Variants in PPP1R12B observed in about 807,000 individuals in gnomAD.
PPP1R12B encodes myosin phosphatase target subunit 2.
In PPP1R12B, 76 loss-of-function variants were observed where a neutral mutation model predicts 126.1. The ratio of observed to expected loss-of-function variants is 0.60; its 90% CI spans 0.50 to 0.73. The LOEUF (loss-of-function observed/expected upper bound fraction) is 0.73. PPP1R12B is among the 30% of genes least tolerant of loss of function. The pLI, the probability that PPP1R12B is intolerant of heterozygous loss-of-function variation, is 0.00. For missense variants in PPP1R12B, 1,052 were observed against 1,205.1 expected, an observed-to-expected ratio of 0.87 and a Z score of 1.88; for synonymous variants, 356 against 434.7, an observed-to-expected ratio of 0.82 and a Z score of 2.25.
intron 1 of PPP1R12B, among the ~76,000 whole-genome samples, chr1:202,354,923 T>G (rs949153364): frequency 6.6e-6 from 1 of 151,888 alleles, no homozygotes; most frequent in African/African-American, 2.4e-5. Context: ...CCTCCCGGGT[T>G]CACGCCATTC....
chr1:202,446,550 C>T (rs1672320861), intron 12 of PPP1R12B, among the ~76,000 whole-genome samples: 2 of 148,208 alleles, frequency 1.3e-5, no homozygotes, highest in African/African-American at 4.9e-5. Context: ...AGAGCCACTG[C>T]ACCCGGCCGT....
intron 18 of PPP1R12B, among the ~76,000 whole-genome samples, chr1:202,536,887 C>T (rs1252848433): frequency 1.3e-5 from 2 of 152,168 alleles, no homozygotes; most frequent in Admixed American, 6.5e-5. Context: ...CACATCTTAT[C>T]CCATTGGAAG....
intron 18 of PPP1R12B, chr1:202,502,565 G>A (rs1680348047): frequency 1.4e-6 from 1 of 722,378 alleles, no homozygotes; most frequent in Non-Finnish European, 1.7e-6. Context: ...ATGCAACAAT[G>A]AACAAACAGC....
chr1:202,349,020 G>A lies in PPP1R12B; in HGVS notation c.169G>A (p.Glu57Lys). 2 of 1,611,540 alleles carry A rather than the reference G, an allele frequency of 1.2e-6. No homozygotes were observed. Among genetic ancestry groups the A allele is most frequent in the African/African-American group, 1.3e-5 (1 of 75,040 alleles). ...GCGCGGGAGCCCCAGGGTCCGCTTC[G>A]AGGACGGTGCTGTCTTTCTGGCCGC... ...TRRGSPRVRF[E>K]DGAVFLAACS... The change falls in exon 1 of 24, where the codon GAG becomes AAG. Residue 57 changes from glutamate (E) to lysine (K), a missense_variant. Transcript: ENST00000608999.
chr1:202,515,649 T>A (rs1682056982), intron 18 of PPP1R12B, among the ~76,000 whole-genome samples: 1 of 152,152 alleles, frequency 6.6e-6, no homozygotes, highest in African/African-American at 2.4e-5. Flanking sequence ...CTGCAGCCTC[T>A]ACCTCCTAGG....
At chr1:202,413,387 A>G (rs1285532488) in intron 1 of PPP1R12B, among the ~76,000 whole-genome samples, 2 of 152,176 alleles carry the variant, frequency 1.3e-5, no homozygotes, top group Admixed American at 1.3e-4. Flanking sequence ...GATATGTACT[A>G]CTTAAGTCCT....
At chr1:202,446,353 G>C (rs140866874) in intron 12 of PPP1R12B, among the ~76,000 whole-genome samples, 2,142 of 145,110 alleles carry the variant, frequency 0.015, 19 homozygotes, top group South Asian at 0.035. Context: ...TCCCGGGCTC[G>C]AGCAATTCTT....
chr1:202,533,110 C>A (rs1684143011), intron 18 of PPP1R12B, among the ~76,000 whole-genome samples: 1 of 152,066 alleles, frequency 6.6e-6, no homozygotes, highest in South Asian at 2.1e-4. Context: ...CTCAGGTGAT[C>A]TGCCCGCCTC....
chr1:202,459,966 C>T (rs1261463609), intron 13 of PPP1R12B, among the ~76,000 whole-genome samples: 1 of 152,182 alleles, frequency 6.6e-6, no homozygotes, highest in African/African-American at 2.4e-5. Flanking sequence ...TGGCAGATAG[C>T]TCTGCAGAAA....
chr1:202,483,484 GC>G (rs1235803389), intron 13 of PPP1R12B, among the ~76,000 whole-genome samples: 1 of 152,078 alleles, frequency 6.6e-6, no homozygotes, highest in Non-Finnish European at 1.5e-5. Flanking sequence ...GGAAGTCTGT[GC>G]CCAAAATCCC....
intron 18 of PPP1R12B, among the ~76,000 whole-genome samples, chr1:202,511,958 A>T (rs763368845): frequency 3.9e-5 from 6 of 152,066 alleles, no homozygotes; most frequent in Non-Finnish European, 7.4e-5. Flanking sequence ...CCAAGTTGAG[A>T]TGTCAAGTAG....
At chr1:202,420,567 C>CTTAA in intron 2 of PPP1R12B, among the ~76,000 whole-genome samples, 1 of 152,244 alleles carries the variant, frequency 6.6e-6, no homozygotes, top group Non-Finnish European at 1.5e-5. Context: ...TTGTTGAGTG[C>CTTAA]TTACTATGTG....
chr1:202,380,136 A>ACTGCTC, intron 1 of PPP1R12B, among the ~76,000 whole-genome samples: 1 of 140,508 alleles, frequency 7.1e-6, no homozygotes, highest in East Asian at 1.9e-4. Flanking sequence ...TCTTTGCTTA[A>ACTGCTC]CTGCTCCTGC....
chr1:202,351,944 A>G (rs989536344), intron 1 of PPP1R12B, among the ~76,000 whole-genome samples: 1 of 152,204 alleles, frequency 6.6e-6, no homozygotes, highest in Non-Finnish European at 1.5e-5. Flanking sequence ...GAGGTGCTTG[A>G]GTCAAAGATA....
chr1:202,575,477 G>A, intron 23 of PPP1R12B: 1 of 201,748 alleles, frequency 5.0e-6, no homozygotes, highest in East Asian at 1.1e-4. Context: ...GCATATACCT[G>A]TGTACATGCA....
intron 1 of PPP1R12B, among the ~76,000 whole-genome samples, chr1:202,370,543 AT>A (rs34492667): frequency 0.41 from 61,594 of 149,258 alleles, 14,430 homozygotes; most frequent in East Asian, 0.7. Flanking sequence ...AGAGTATATA[AT>A]TTTTTTTTTT....
At chr1:202,530,988 T>C (rs988551998) in intron 18 of PPP1R12B, among the ~76,000 whole-genome samples, 6 of 152,202 alleles carry the variant, frequency 3.9e-5, no homozygotes, top group Non-Finnish European at 8.8e-5. Flanking sequence ...CTAATATGTC[T>C]CCCTCACTCA....
intron 13 of PPP1R12B, among the ~76,000 whole-genome samples, chr1:202,470,024 A>G (rs1675617099): frequency 6.6e-6 from 1 of 152,236 alleles, no homozygotes; most frequent in Admixed American, 6.5e-5. Flanking sequence ...CTGCTTCCCC[A>G]GATACCCCCT....
At chr1:202,421,226 G>A (rs1668714083) in intron 2 of PPP1R12B, among the ~76,000 whole-genome samples, 2 of 151,838 alleles carry the variant, frequency 1.3e-5, no homozygotes. Flanking sequence ...AAGGATTATA[G>A]GGGTGAGCCA....
Sources: gnomAD v4.1 joint callset for allele counts (sites outside exome capture counted in the v4.1 genomes callset) on GRCh38, gnomAD v4.1.1 for gene constraint, MANE v1.5 for transcripts, NCBI Gene and HGNC (gene_info 2026-07-23, HGNC 2026-07-21) for gene names.